Variants in ADAMTS20 observed in about 807,000 individuals in gnomAD.
ADAMTS20 encodes A disintegrin and metalloproteinase with thrombospondin motifs 20.
A neutral mutation model predicts 260.1 loss-of-function variants in ADAMTS20; 225 were observed. The observed-to-expected ratio is 0.87, with a 90% confidence interval of 0.78 to 0.97. The LOEUF (loss-of-function observed/expected upper bound fraction) is 0.97. ADAMTS20 is among the 50% of genes least tolerant of loss of function. The probability of loss-of-function intolerance (pLI) is 0.00; values close to 1 mark genes in which losing one functional copy is unlikely to be tolerated. For synonymous variants in ADAMTS20, 802 were observed against 769.5 expected (o/e 1.04, Z -0.70); for missense variants, 2,400 against 2,337.7 (o/e 1.03, Z -0.55).
intron 11 of ADAMTS20, among the ~76,000 whole-genome samples, chr12:43,459,747 T>A (rs1022699706): frequency 6.6e-6 from 1 of 152,190 alleles, no homozygotes; most frequent in Non-Finnish European, 1.5e-5. Flanking sequence ...GAAAAAGTCA[T>A]TCAATATAAG....
Position 43,358,124 on chromosome 12 carries a change from T to C in ADAMTS20, c.5539-1536A>G, listed in dbSNP as rs192627705. On this transcript the variant is annotated intron_variant, in intron 37 of 38. Coordinates refer to ENST00000389420, the MANE Select transcript of ADAMTS20 (RefSeq NM_025003.5). ...GCTCCTTGAGTGCTCAATTGGGCCATGCAACCTAATACTGTTGTTCCATTC... is the reference window on the plus strand; with the variant it reads ...GCTCCTTGAGTGCTCAATTGGGCCACGCAACCTAATACTGTTGTTCCATTC... 7.9e-5 allele frequency among the ~76,000 whole-genome samples: 12 copies of C among 152,338 alleles called. No homozygotes were observed. The East Asian group carries it at 1.7e-3, about 22-fold the overall frequency.
chr12:43,509,433 C>A (rs1012834077), intron 3 of ADAMTS20, among the ~76,000 whole-genome samples: 1 of 151,940 alleles, frequency 6.6e-6, no homozygotes, highest in Non-Finnish European at 1.5e-5. Flanking sequence ...CTATACAACT[C>A]TTTGGCAAAG....
intron 37 of ADAMTS20, among the ~76,000 whole-genome samples, chr12:43,363,306 T>C (rs535885026): frequency 6.6e-6 from 1 of 152,292 alleles, no homozygotes; most frequent in African/African-American, 2.4e-5. Flanking sequence ...AGAAGTTGTA[T>C]TATAGGCAAG....
intron 5 of ADAMTS20, among the ~76,000 whole-genome samples, chr12:43,492,957 AT>A (rs1479927793): frequency 6.6e-6 from 1 of 152,194 alleles, no homozygotes; most frequent in Admixed American, 6.5e-5. Context: ...TGAATTGTTT[AT>A]TCACTTTTGT....
rs146819391 is a variant in ADAMTS20 at position 43,482,924 on chromosome 12, A to G, written c.1117+7471T>C. Among the ~76,000 whole-genome samples the G allele has an allele frequency of 8.5e-5, 13 of 152,294 alleles. No homozygotes were observed. The East Asian group carries it at 2.5e-3, about 29-fold the overall frequency. ...ATTGTATCTTCTTCCTGGCTCAGGA[A>G]GGAGAAAACCTTTGCACAACCTCAG... On this transcript the variant is annotated intron_variant, in intron 7 of 38. Transcript: ENST00000389420.
intron 3 of ADAMTS20, among the ~76,000 whole-genome samples, chr12:43,521,626 G>A (rs775490772): frequency 3.3e-5 from 5 of 152,082 alleles, no homozygotes; most frequent in Non-Finnish European, 5.9e-5. Flanking sequence ...AGCTGCCACA[G>A]CAACTAATAC....
chr12:43,512,826 T>C (rs917155356), intron 3 of ADAMTS20, among the ~76,000 whole-genome samples: 9 of 152,200 alleles, frequency 5.9e-5, no homozygotes, highest in Admixed American at 3.9e-4. Context: ...ATAGCAAATA[T>C]ATGAATTCAG....
chr12:43,461,346 T>C (rs777246385), intron 11 of ADAMTS20, among the ~76,000 whole-genome samples: 1 of 152,080 alleles, frequency 6.6e-6, no homozygotes, highest in African/African-American at 2.4e-5. Context: ...GGATGTTGGC[T>C]GTATGTGCAT....
chr12:43,425,976 T>C (rs1443118683), intron 27 of ADAMTS20, among the ~76,000 whole-genome samples: 1 of 152,174 alleles, frequency 6.6e-6, no homozygotes, highest in Non-Finnish European at 1.5e-5. Flanking sequence ...TTCAGTAAGA[T>C]ATCCAGGACC....
chr12:43,525,730 C>T (rs537080155), intron 3 of ADAMTS20, among the ~76,000 whole-genome samples: 1 of 152,088 alleles, frequency 6.6e-6, no homozygotes, highest in East Asian at 1.9e-4. Flanking sequence ...AGTCTTATAT[C>T]AGATAAAACA....
intron 9 of ADAMTS20, among the ~76,000 whole-genome samples, chr12:43,465,226 T>C (rs1942133404): frequency 6.6e-6 from 1 of 151,926 alleles, no homozygotes; most frequent in African/African-American, 2.4e-5. Flanking sequence ...CCTCAAGAGG[T>C]CTTTCAAGGT....
At chr12:43,483,570 C>T (rs1407149782) in intron 7 of ADAMTS20, among the ~76,000 whole-genome samples, 4 of 152,210 alleles carry the variant, frequency 2.6e-5, no homozygotes, top group Non-Finnish European at 5.9e-5. Flanking sequence ...GGTAGAGTCA[C>T]AACCCCTCTC....
chr12:43,540,306 T>C (rs1943359678), intron 2 of ADAMTS20, among the ~76,000 whole-genome samples: 3 of 152,194 alleles, frequency 2.0e-5, no homozygotes, highest in African/African-American at 2.4e-5. Flanking sequence ...CCAGAAACCA[T>C]CGGTACCTCC....
intron 27 of ADAMTS20, 76 bp from the exon 28 acceptor site, chr12:43,425,766 A>G (rs1941321415): frequency 1.0e-6 from 1 of 977,396 alleles, no homozygotes; most frequent in African/African-American, 1.7e-5. Flanking sequence ...ATGTTTAAAC[A>G]TAATTAGTAA....
chr12:43,429,954 G>A (rs564488978), intron 23 of ADAMTS20, among the ~76,000 whole-genome samples: 9 of 152,200 alleles, frequency 5.9e-5, no homozygotes, highest in Admixed American at 5.9e-4. Flanking sequence ...TGCTGAAAAG[G>A]AAAAGAGCTT....
At chr12:43,456,892 A>G (rs1941974438) in intron 11 of ADAMTS20, among the ~76,000 whole-genome samples, 1 of 152,220 alleles carries the variant, frequency 6.6e-6, no homozygotes, top group South Asian at 2.1e-4. Context: ...CCAGGGGAAC[A>G]GATATGAATT....
chr12:43,405,949 A>T lies in ADAMTS20; in HGVS notation c.4285-6716T>A, dbSNP rs75514187. On this transcript the variant is annotated intron_variant, in intron 28 of 38. Coordinates refer to ENST00000389420, the MANE Select transcript of ADAMTS20 (RefSeq NM_025003.5). ...GCTCATTGTATGCCAGGTATTAGCTAATTTCTGCAGACAACCAAAGAAAAC... is the reference window on the plus strand; with the variant it reads ...GCTCATTGTATGCCAGGTATTAGCTTATTTCTGCAGACAACCAAAGAAAAC... 9.1e-3 allele frequency among the ~76,000 whole-genome samples: 1,391 copies of T among 152,310 alleles called. 19 individuals are homozygous for T. The highest frequency in any genetic ancestry group is 0.032 in the African/African-American group (1,312 of 41,560).
At chr12:43,540,152 T>C (rs1741002167) in intron 2 of ADAMTS20, among the ~76,000 whole-genome samples, 1 of 152,138 alleles carries the variant, frequency 6.6e-6, no homozygotes, top group Admixed American at 6.5e-5. Flanking sequence ...TTACAGGCGT[T>C]AGCCACCATG....
At chr12:43,493,298 T>C (rs1942632864) in intron 4 of ADAMTS20, 45 bp from the exon 5 acceptor site, 1 of 1,353,370 alleles carries the variant, frequency 7.4e-7, no homozygotes, top group African/African-American at 1.5e-5. Context: ...AAATGAATAT[T>C]TCTTCTCAAA....
Sources: allele counts gnomAD v4.1 joint callset (sites outside exome capture counted in the v4.1 genomes callset), GRCh38; gene constraint gnomAD v4.1.1; transcripts MANE v1.5; gene names NCBI Gene and HGNC (gene_info 2026-07-23, HGNC 2026-07-21).